Variants in ERC2 observed in about 807,000 individuals in gnomAD.
The protein encoded by ERC2 is ELKS/RAB6-interacting/CAST family member 2, also known as ERC protein 2.
Under a neutral mutation model 114.8 loss-of-function variants are expected in ERC2, and 42 were observed. The ratio of observed to expected loss-of-function variants is 0.37; its 90% CI spans 0.29 to 0.47. The LOEUF (loss-of-function observed/expected upper bound fraction) is 0.47, where lower values mean the gene tolerates loss of function less well. ERC2 is among the 20% of genes least tolerant of loss of function. The pLI is 0.99. For missense variants in ERC2, 939 were observed against 1,150.7 expected, an observed-to-expected ratio of 0.82 and a Z score of 2.66; for synonymous variants, 454 against 425.5, an observed-to-expected ratio of 1.07 and a Z score of -0.82.
intron 8 of ERC2, among the ~76,000 whole-genome samples, chr3:56,013,074 C>A (rs1169369796): frequency 6.6e-6 from 1 of 152,180 alleles, no homozygotes; most frequent in Non-Finnish European, 1.5e-5. Flanking sequence ...TTTATAAATA[C>A]AGTGGGTTCC....
intron 10 of ERC2, among the ~76,000 whole-genome samples, chr3:55,995,554 G>C (rs1308388283): frequency 6.6e-6 from 1 of 152,150 alleles, no homozygotes; most frequent in Non-Finnish European, 1.5e-5. Flanking sequence ...GTCATATAAA[G>C]ATGACAGGGA....
intron 2 of ERC2, among the ~76,000 whole-genome samples, chr3:56,404,424 T>C (rs2060632554): frequency 6.6e-6 from 1 of 152,172 alleles, no homozygotes; most frequent in East Asian, 1.9e-4. Flanking sequence ...GAATGACTCC[T>C]ACAAAAAAGG....
chr3:56,087,490 C>T (rs375149995), intron 6 of ERC2, among the ~76,000 whole-genome samples: 1 of 151,996 alleles, frequency 6.6e-6, no homozygotes, highest in African/African-American at 2.4e-5. Context: ...CCTTCAGAAA[C>T]GGTTTCAATG....
intron 17 of ERC2, among the ~76,000 whole-genome samples, chr3:55,679,648 TTAG>T (rs2061966359): frequency 6.6e-6 from 1 of 152,244 alleles, no homozygotes; most frequent in South Asian, 2.1e-4. Flanking sequence ...AATGAAAGTC[TTAG>T]TAGCCAATGG....
At chr3:55,562,174 G>A (rs1357237721) in intron 17 of ERC2, among the ~76,000 whole-genome samples, 6 of 148,640 alleles carry the variant, frequency 4.0e-5, no homozygotes, top group Admixed American at 2.0e-4. Context: ...TTTTTGAGAC[G>A]GAGTTTTGCT....
At chr3:55,884,136 T>A (rs1038329405) in intron 14 of ERC2, among the ~76,000 whole-genome samples, 7 of 152,196 alleles carry the variant, frequency 4.6e-5, no homozygotes, top group Admixed American at 4.6e-4. Flanking sequence ...TCCACAGGTA[T>A]TTACAAATAT....
At chr3:55,546,068 T>C (rs190612705) in intron 17 of ERC2, among the ~76,000 whole-genome samples, 23 of 152,328 alleles carry the variant, frequency 1.5e-4, no homozygotes, top group African/African-American at 4.8e-4. Context: ...TCCTGACCTA[T>C]GCAGTATGGG....
At chr3:56,307,819 C>T (rs1283637776) in intron 2 of ERC2, among the ~76,000 whole-genome samples, 2 of 112,864 alleles carry the variant, frequency 1.8e-5, no homozygotes, top group Non-Finnish European at 3.7e-5. Context: ...ATTCACTATA[C>T]ACACACTTGC....
At chr3:55,896,683 C>T (rs549538587) in intron 13 of ERC2, among the ~76,000 whole-genome samples, 1 of 152,132 alleles carries the variant, frequency 6.6e-6, no homozygotes, top group Admixed American at 6.6e-5. Context: ...AAATAATTTC[C>T]TAAAAGGTCC....
intron 17 of ERC2, among the ~76,000 whole-genome samples, chr3:55,577,277 GA>G (rs1050931609): frequency 3.6e-4 from 52 of 145,204 alleles, no homozygotes; most frequent in East Asian, 1.6e-3. Flanking sequence ...AAAAAAAAGA[GA>G]AAAAAAAAAA....
chr3:55,931,971 A>G (rs2066120952), intron 13 of ERC2, among the ~76,000 whole-genome samples: 1 of 152,236 alleles, frequency 6.6e-6, no homozygotes, highest in Non-Finnish European at 1.5e-5. Flanking sequence ...CTTGGATTCT[A>G]TAACTTAACT....
chr3:55,804,285 G>T (rs9813755), intron 14 of ERC2, among the ~76,000 whole-genome samples: 3,443 of 152,208 alleles, frequency 0.023, 143 homozygotes, highest in African/African-American at 0.079. Context: ...CTTGGCTACA[G>T]GCCTGCATTT....
intron 15 of ERC2, among the ~76,000 whole-genome samples, chr3:55,720,579 C>A (rs756143902): frequency 6.6e-6 from 1 of 151,960 alleles, no homozygotes; most frequent in African/African-American, 2.4e-5. Flanking sequence ...GCCACCGCAC[C>A]CAGCTAACAG....
intron 12 of ERC2, among the ~76,000 whole-genome samples, chr3:55,974,644 C>A (rs1257869127): frequency 6.6e-6 from 1 of 152,182 alleles, no homozygotes; most frequent in Non-Finnish European, 1.5e-5. Context: ...TGACCGAGGT[C>A]TTCCCCCATC....
chr3:55,917,978 T>C (rs1457530568), intron 13 of ERC2, among the ~76,000 whole-genome samples: 2 of 152,078 alleles, frequency 1.3e-5, no homozygotes, highest in African/African-American at 4.8e-5. Context: ...AACACTGAAA[T>C]CTCGGTGGCT....
chr3:55,998,886 C>T (rs182513453), intron 10 of ERC2, among the ~76,000 whole-genome samples: 24 of 152,228 alleles, frequency 1.6e-4, no homozygotes, highest in African/African-American at 5.5e-4. Context: ...CAAATGGATA[C>T]CTACTAGGCA....
intron 17 of ERC2, among the ~76,000 whole-genome samples, chr3:55,649,254 C>A (rs1228664815): frequency 1.5e-5 from 2 of 131,196 alleles, no homozygotes; most frequent in Admixed American, 1.9e-4. Flanking sequence ...TTATCCAACG[C>A]TGAATTTTTT....
intron 4 of ERC2, among the ~76,000 whole-genome samples, chr3:56,151,185 GC>G: frequency 6.6e-6 from 1 of 152,220 alleles, no homozygotes; most frequent in East Asian, 1.9e-4. Context: ...TCATGCCTCA[GC>G]CTCCCGAGTA....
intron 1 of ERC2, among the ~76,000 whole-genome samples, chr3:56,459,114 C>G (rs1261044288): frequency 6.6e-6 from 1 of 152,174 alleles, no homozygotes; most frequent in African/African-American, 2.4e-5. Flanking sequence ...CCCAAACCCA[C>G]CTTCAATCAC....
Sources: allele counts gnomAD v4.1 joint callset (sites outside exome capture counted in the v4.1 genomes callset), GRCh38; gene constraint gnomAD v4.1.1; transcripts MANE v1.5; gene names NCBI Gene and HGNC (gene_info 2026-07-23, HGNC 2026-07-21).